The following NEIL1 variants were observed in gnomAD, a reference collection of about 807,000 sequenced individuals.
NEIL1 encodes endonuclease 8-like 1.
A neutral mutation model predicts 44.2 loss-of-function variants in NEIL1; 31 were observed. That is an observed-to-expected ratio of 0.70 (90% CI 0.53 to 0.95). The LOEUF (loss-of-function observed/expected upper bound fraction) is 0.95. Ranked by LOEUF, NEIL1 falls within the 40% of genes least tolerant of loss-of-function variation. The pLI is 0.00. For missense variants in NEIL1, 549 were observed against 515.5 expected (o/e 1.07, Z -0.63); for synonymous variants, 254 against 209.7 (o/e 1.21, Z -1.83).
Position 75,354,248 on chromosome 15 carries a change from A to AG in NEIL1, c.850dup, listed in dbSNP as rs768446496. 1 of 1,614,034 alleles carries AG rather than the reference A, an allele frequency of 6.2e-7. No homozygotes were observed. The highest frequency in any genetic ancestry group is 1.7e-5 in the Admixed American group (1 of 60,010). ...TCCTGAATTATCCCCATCCCATTTT[A>AG]GGGGGATCCTGGACCGTTGGCACCC... On this transcript the variant is annotated splice_acceptor_variant, in intron 6 of 9. Coordinates refer to ENST00000355059, the MANE Select transcript of NEIL1 (RefSeq NM_024608.4). LOFTEE classifies it high-confidence loss of function.
intron 1 of NEIL1, chr15:75,348,653 A>G (rs2071629628): frequency 7.1e-7 from 1 of 1,398,774 alleles, no homozygotes; most frequent in African/African-American, 1.4e-5. Flanking sequence ...AGCGGTTAGC[A>G]GCAAGGCAGA....
chr15:75,353,738 G>A lies in NEIL1; in HGVS notation c.719-1G>A, dbSNP rs542838199. On this transcript the variant is annotated splice_acceptor_variant, in intron 5 of 9. Coordinates refer to ENST00000355059, the MANE Select transcript of NEIL1 (RefSeq NM_024608.4). LOFTEE classifies it high-confidence loss of function. ...TCTCTGCCTGTTCCTCTGTCCCACA[G>A]GGGGCAAAGGCTACGGGTCAGAGAG... The A allele has an allele frequency of 3.7e-6, 6 of 1,613,980 alleles. No homozygotes were observed. The highest frequency in any genetic ancestry group is 5.1e-6 in the Non-Finnish European group (6 of 1,179,874).
In NEIL1 at chr15:75,355,236, G is replaced by A. The variant is rs2141320043; in HGVS notation, c.*202G>A. 5 of 574,668 alleles carry A rather than the reference G, an allele frequency of 8.7e-6. No individual in the cohort carries two copies. The highest frequency in any genetic ancestry group is 8.4e-5 in the South Asian group (4 of 47,678). The allele number at this position is 574,668 out of a possible 1,614,324, so 35.6% of individuals were successfully genotyped here. On this transcript the variant is annotated 3_prime_UTR_variant, in exon 10 of 10. Coordinates refer to ENST00000355059, the MANE Select transcript of NEIL1 (RefSeq NM_024608.4). Reference sequence around the variant, plus strand: ...AAAAATGCTGCATTTTTAATAAACTGATACATTTGAACTTCTTGGCACCTC... The same window carrying A: ...AAAAATGCTGCATTTTTAATAAACTAATACATTTGAACTTCTTGGCACCTC...
rs138644949 is a variant in NEIL1 at position 75,354,443 on chromosome 15, G to A, written c.887G>A (p.Arg296His). ...CAGTGTCCTGCAGGGCGCAAGTCCC[G>A]CAAAAAGAAATCCAAGGCCACACAG... ...GPLAPKGRKS[R>H]KKKSKATQLS... Residue 296 changes from arginine to histidine, a missense_variant, in exon 8 of 10, where the codon CGC becomes CAC. Coordinates refer to ENST00000355059, the MANE Select transcript of NEIL1 (RefSeq NM_024608.4). The A allele has an allele frequency of 9.9e-6, 16 of 1,614,032 alleles. No individual in the cohort carries two copies. The Admixed American group carries it at 1.0e-4, about 10-fold the overall frequency.
intron 1 of NEIL1, chr15:75,348,394 G>A (rs2071611535): frequency 3.0e-6 from 3 of 985,754 alleles, no homozygotes; most frequent in Middle Eastern, 5.2e-4. Context: ...AGGGAGGGGC[G>A]GCCACGCGAT....
chr15:75,356,662 T>C lies in NEIL1; in HGVS notation c.*1628T>C. 1 of 1,584,196 alleles carries C rather than the reference T, an allele frequency of 6.3e-7. No homozygotes were observed. The highest frequency in any genetic ancestry group is 8.6e-7 in the Non-Finnish European group (1 of 1,165,630). On this transcript the variant is annotated 3_prime_UTR_variant, in exon 10 of 10. Transcript: ENST00000355059. The surrounding 1 kb of genome is among the most constrained non-coding windows in gnomAD (Gnocchi z 5.8). The stretch of plus-strand genomic sequence containing the variant: ...GTGGCGCCCCGTGTCAGCAGTAGCG[T>C]CCGGGGCTTTAGGCGCCCGCAAGCT...
At chr15:75,354,095 G>A in intron 6 of NEIL1, 155 bp from the exon 7 acceptor site, 1 of 1,044,298 alleles carries the variant, frequency 9.6e-7, no homozygotes, top group Non-Finnish European at 1.4e-6. Flanking sequence ...GAGCAGCTTT[G>A]CTGATGTGGA....
chr15:75,354,849 G>A, intron 9 of NEIL1, 31 bp downstream of exon 9: 4 of 1,613,738 alleles, frequency 2.5e-6, no homozygotes, highest in Admixed American at 1.7e-5. Flanking sequence ...CCAGAAACTG[G>A]CTCTACAGGA....
In NEIL1 at chr15:75,355,903, G is replaced by T. The variant is rs775117015; in HGVS notation, c.*869G>T. Reference sequence around the variant, plus strand: ...CTACAAACAAAACCCCAGCCCCAGGGACTCAGTGTGGCGGAGGCTGAAGCA... The same window carrying T: ...CTACAAACAAAACCCCAGCCCCAGGTACTCAGTGTGGCGGAGGCTGAAGCA... On this transcript the variant is annotated 3_prime_UTR_variant, in exon 10 of 10. Coordinates refer to ENST00000355059, the MANE Select transcript of NEIL1 (RefSeq NM_024608.4). The T allele has an allele frequency of 6.2e-7, 1 of 1,614,146 alleles. No homozygotes were observed. The highest frequency in any genetic ancestry group is 1.7e-5 in the Admixed American group (1 of 60,028).
chr15:75,353,941 G>T, intron 6 of NEIL1, 75 bp downstream of exon 6: 1 of 1,577,466 alleles, frequency 6.3e-7, no homozygotes. Flanking sequence ...CAATAACTGG[G>T]GTGGTGATGC....
chr15:75,356,596 C>A lies in NEIL1; in HGVS notation c.*1562C>A. ...GGCTGCAGGAAGGCCCCACCGTCCC[C>A]AGCACTCACCCTTGTGCGGCATCAG... On this transcript the variant is annotated 3_prime_UTR_variant, in exon 10 of 10. Transcript: ENST00000355059. The surrounding 1 kb of genome is among the most constrained non-coding windows in gnomAD (Gnocchi z 5.8). 1 of 1,556,224 alleles carries A rather than the reference C, an allele frequency of 6.4e-7. No homozygotes were observed. The highest frequency in any genetic ancestry group is 2.4e-5 in the East Asian group (1 of 41,730).
chr15:75,352,205 T>C lies in NEIL1; in HGVS notation c.529T>C (p.Tyr177His), dbSNP rs1346795867. ...DQRFFNGIGNYLRAEILYRLK... is the reference protein window; with the variant it reads ...DQRFFNGIGNHLRAEILYRLK... ...GAGGTTCTTCAATGGCATTGGCAAC[T>C]ATCTGCGGGCAGAGATCCTGTACCG... The change falls in exon 3 of 10, where the codon TAT becomes CAT. Residue 177 changes from tyrosine to histidine, a missense_variant. Transcript: ENST00000355059. 1.9e-6 allele frequency: 3 copies of C among 1,614,258 alleles called. No homozygotes were observed. The highest frequency in any genetic ancestry group is 2.5e-6 in the Non-Finnish European group (3 of 1,180,034).
chr15:75,347,907 A>G, intron 1 of NEIL1: 1 of 1,236,116 alleles, frequency 8.1e-7, no homozygotes, highest in South Asian at 1.3e-5. Context: ...CCAGGTGTGG[A>G]GGGGGCAAGG....
chr15:75,354,574 G>A, intron 8 of NEIL1, 79 bp from the exon 9 acceptor site: 2 of 1,613,004 alleles, frequency 1.2e-6, no homozygotes, highest in Non-Finnish European at 1.7e-6. Flanking sequence ...ACCCTAAGAG[G>A]GCGGGGGGAG....
chr15:75,356,871 T>C lies in NEIL1; in HGVS notation c.*1837T>C. On this transcript the variant is annotated 3_prime_UTR_variant, in exon 10 of 10. Transcript: ENST00000355059. The surrounding 1 kb of genome is among the most constrained non-coding windows in gnomAD (Gnocchi z 5.8). ...GAGCAGGGCCAGCCCAAAGCCGTGTTCTGACAGATCCATCCAGCGATGGGC... is the reference window on the plus strand; with the variant it reads ...GAGCAGGGCCAGCCCAAAGCCGTGTCCTGACAGATCCATCCAGCGATGGGC... 6.2e-7 allele frequency: 1 copy of C among 1,614,106 alleles called. No individual in the cohort carries two copies. The highest frequency in any genetic ancestry group is 8.5e-7 in the Non-Finnish European group (1 of 1,180,030).
intron 1 of NEIL1, chr15:75,348,396 C>T: frequency 1.0e-6 from 1 of 986,570 alleles, no homozygotes; most frequent in Non-Finnish European, 1.2e-6. Flanking sequence ...GGAGGGGCGG[C>T]CACGCGATCC....
In NEIL1 at chr15:75,348,909, C is replaced by T. The variant is rs1289297668; in HGVS notation, c.4C>T (p.Pro2Ser). 5 of 1,610,940 alleles carry T rather than the reference C, an allele frequency of 3.1e-6. No homozygotes were observed. Among genetic ancestry groups the T allele is most frequent in the Admixed American group, 1.7e-5 (1 of 60,022 alleles). Reference sequence around the variant, plus strand: ...GACTCTGCCACCCTCCCTCAGGATGCCTGAGGGCCCCGAGCTGCACCTGGC... The same window carrying T: ...GACTCTGCCACCCTCCCTCAGGATGTCTGAGGGCCCCGAGCTGCACCTGGC... MPEGPELHLASQ... is the reference protein window; with the variant it reads MSEGPELHLASQ... Residue 2 changes from proline (P) to serine (S), a missense_variant, in exon 2 of 10, where the codon CCT (proline) becomes TCT (serine). Pro to Ser is a moderately conservative substitution (Grantham distance 74). Transcript: ENST00000355059.
intron 1 of NEIL1, chr15:75,348,412 C>G: frequency 1.0e-6 from 1 of 1,003,680 alleles, no homozygotes. Flanking sequence ...GATCCTAAGA[C>G]CCTTTCAGAT....
chr15:75,349,366 C>T, intron 2 of NEIL1, 27 bp downstream of exon 2: 1 of 1,569,192 alleles, frequency 6.4e-7, no homozygotes. Flanking sequence ...GTGTGATGAA[C>T]ATAGTCGCGG....
Sources: gnomAD v4.1 joint callset for allele counts on GRCh38, gnomAD v4.1.1 for gene constraint, Gnocchi (gnomAD v3.1) non-coding constraint, MANE v1.5 for transcripts, NCBI Gene and HGNC (gene_info 2026-07-23, HGNC 2026-07-21) for gene names.